The following TRPC4 variants were observed in gnomAD, a reference collection of about 807,000 sequenced individuals.
The protein encoded by TRPC4 is short transient receptor potential channel 4.
A neutral mutation model predicts 99.4 loss-of-function variants in TRPC4; 49 were observed. The observed-to-expected ratio is 0.49, with a 90% CI of 0.39 to 0.63. The LOEUF is 0.63. Among genes scored for constraint, TRPC4 ranks in the 20% least tolerant of loss-of-function variants. The probability of loss-of-function intolerance (pLI) is 0.00; values close to 1 mark genes in which losing one functional copy is unlikely to be tolerated. For synonymous variants in TRPC4, 454 were observed against 425.9 expected (o/e 1.07, Z -0.81); for missense variants, 898 against 1,152.9 (o/e 0.78, Z 3.20).
chr13:37,788,929 TC>T (rs1957040294), intron 1 of TRPC4, among the ~76,000 whole-genome samples: 1 of 152,114 alleles, frequency 6.6e-6, no homozygotes, highest in Admixed American at 6.6e-5. Context: ...TGGGAAGATT[TC>T]AACGGCTCAG....
intron 2 of TRPC4, among the ~76,000 whole-genome samples, chr13:37,749,318 T>A (rs1955869757): frequency 1.3e-5 from 2 of 152,144 alleles, no homozygotes; most frequent in African/African-American, 4.8e-5. Flanking sequence ...TAACTATTTT[T>A]AAATTACATA....
chr13:37,763,687 T>C (rs552730741), intron 2 of TRPC4, among the ~76,000 whole-genome samples: 129 of 151,722 alleles, frequency 8.5e-4, no homozygotes, highest in Middle Eastern at 3.4e-3. Flanking sequence ...CCAGATAATA[T>C]TACAAAATGA....
chr13:37,691,920 A>G (rs775057447), intron 4 of TRPC4, 79 bp downstream of exon 4: 270 of 1,360,460 alleles, frequency 2.0e-4, no homozygotes, highest in Non-Finnish European at 2.5e-4. Flanking sequence ...GGTCCCAAAC[A>G]TTAATGAATA....
At chr13:37,822,001 A>G (rs1405212843) in intron 1 of TRPC4, among the ~76,000 whole-genome samples, 1 of 152,190 alleles carries the variant, frequency 6.6e-6, no homozygotes, top group African/African-American at 2.4e-5. Flanking sequence ...AGGAAAAGAA[A>G]CTATTAACAG....
At chr13:37,739,083 G>GTTCTGAAAATGAAAATGAAAA (rs1955500056) in intron 3 of TRPC4, among the ~76,000 whole-genome samples, 1 of 152,162 alleles carries the variant, frequency 6.6e-6, no homozygotes, top group African/African-American at 2.4e-5. Context: ...GAAGCAAAAT[G>GTTCTGAAAATGAAAATGAAAA]TGAAAACAAA....
intron 4 of TRPC4, among the ~76,000 whole-genome samples, chr13:37,680,272 A>G (rs540840140): frequency 1.3e-5 from 2 of 152,306 alleles, no homozygotes; most frequent in East Asian, 3.9e-4. Flanking sequence ...AGATATGTGC[A>G]TGCAATCATT....
At chr13:37,817,535 A>G (rs1182812955) in intron 1 of TRPC4, among the ~76,000 whole-genome samples, 1 of 152,040 alleles carries the variant, frequency 6.6e-6, no homozygotes, top group Non-Finnish European at 1.5e-5. Context: ...TTTAAAATTT[A>G]CATGGGACCA....
In TRPC4 at chr13:37,842,742, T is replaced by A. The variant is rs1041664337; in HGVS notation, c.-28+26853A>T. ...CCAATAACTTTCCAAAGGCCTCACC[T>A]CCTAATACCATCACTTTCAGGGTTA... On this transcript the variant is annotated intron_variant, in intron 1 of 10. Transcript: ENST00000379705. 2.0e-5 allele frequency among the ~76,000 whole-genome samples: 3 copies of A among 152,172 alleles called. No individual in the cohort carries two copies. In the East Asian group the frequency reaches 5.8e-4, roughly 29 times the overall value.
At chr13:37,643,572 G>A (rs1364624732) in intron 8 of TRPC4, among the ~76,000 whole-genome samples, 1 of 152,192 alleles carries the variant, frequency 6.6e-6, no homozygotes, top group East Asian at 1.9e-4. Context: ...ATTGGAGTAG[G>A]ATGAGCAAAT....
intron 1 of TRPC4, among the ~76,000 whole-genome samples, chr13:37,828,039 G>A (rs1252153391): frequency 1.3e-5 from 2 of 152,172 alleles, no homozygotes; most frequent in African/African-American, 4.8e-5. Context: ...GATTTTCCAG[G>A]TGCCGTCCGT....
At chr13:37,825,109 A>C (rs1429580614) in intron 1 of TRPC4, among the ~76,000 whole-genome samples, 1 of 151,634 alleles carries the variant, frequency 6.6e-6, no homozygotes, top group African/African-American at 2.4e-5. Flanking sequence ...CTGTGGGATC[A>C]GTGGTGATAT....
chr13:37,852,648 A>G (rs895970474), intron 1 of TRPC4, among the ~76,000 whole-genome samples: 6 of 152,190 alleles, frequency 3.9e-5, no homozygotes, highest in Non-Finnish European at 7.3e-5. Flanking sequence ...GGGGCAGAGC[A>G]ATAAGCAGGC....
chr13:37,821,239 T>G (rs987296794), intron 1 of TRPC4, among the ~76,000 whole-genome samples: 3 of 125,628 alleles, frequency 2.4e-5, no homozygotes, highest in South Asian at 5.7e-4. Flanking sequence ...CACAAATACC[T>G]AGGAATACAG....
chr13:37,866,175 C>G (rs987751751), intron 1 of TRPC4, among the ~76,000 whole-genome samples: 2 of 151,724 alleles, frequency 1.3e-5, no homozygotes, highest in African/African-American at 4.8e-5. Context: ...CTAGATAAAG[C>G]TATCAAGGCA....
In TRPC4 at chr13:37,674,237, T is replaced by G. The variant is rs1432563226; in HGVS notation, c.1365A>C (p.Ala455=). 1.3e-6 allele frequency: 2 copies of G among 1,586,494 alleles called. No homozygotes were observed. The highest frequency in any genetic ancestry group is 8.6e-7 in the Non-Finnish European group (1 of 1,168,900). Residue 455 remains alanine (A), a synonymous_variant, in exon 5 of 11, where the codon GCA becomes GCC. Coordinates refer to ENST00000379705, the MANE Select transcript of TRPC4 (RefSeq NM_016179.4). The stretch of plus-strand genomic sequence containing the variant: ...CATAAATAATAGTTACCTTTACAAA[T>G]GCAACAATTTTCAAGGAGATTGTTG... ...YLATISLKIV[A]FVKYSALNPR...
intron 1 of TRPC4, among the ~76,000 whole-genome samples, chr13:37,800,986 C>A: frequency 6.6e-6 from 1 of 151,806 alleles, no homozygotes; most frequent in Admixed American, 6.6e-5. Context: ...GTAATAAATA[C>A]TAACAAATCA....
intron 3 of TRPC4, among the ~76,000 whole-genome samples, chr13:37,708,276 A>G (rs1234381554): frequency 6.6e-6 from 1 of 152,136 alleles, no homozygotes; most frequent in African/African-American, 2.4e-5. Context: ...TAGTGCTGGA[A>G]AGTCCATTTG....
intron 1 of TRPC4, among the ~76,000 whole-genome samples, chr13:37,819,541 G>T (rs1391221222): frequency 6.6e-6 from 1 of 151,940 alleles, no homozygotes; most frequent in Non-Finnish European, 1.5e-5. Flanking sequence ...GGGGCTGGAG[G>T]CCATTATCTT....
chr13:37,701,124 A>G (rs778600064), intron 3 of TRPC4, among the ~76,000 whole-genome samples: 2 of 152,204 alleles, frequency 1.3e-5, no homozygotes, highest in Non-Finnish European at 2.9e-5. Context: ...CTGCACAAAA[A>G]CAACACATAA....
Sources: allele counts gnomAD v4.1 joint callset (sites outside exome capture counted in the v4.1 genomes callset), GRCh38; gene constraint gnomAD v4.1.1; transcripts MANE v1.5; gene names NCBI Gene and HGNC (gene_info 2026-07-23, HGNC 2026-07-21).